MSRB2: variants seen among roughly 807,000 people sequenced by gnomAD.
The protein encoded by MSRB2 is methionine sulfoxide reductase B2, also known as methionine-R-sulfoxide reductase B2, mitochondrial.
Under a neutral mutation model 19.0 loss-of-function variants are expected in MSRB2, and 17 were observed. The ratio of observed to expected loss-of-function variants is 0.89; its 90% CI spans 0.61 to 1.34. The LOEUF (loss-of-function observed/expected upper bound fraction) is 1.34, where lower values mean the gene tolerates loss of function less well. Ranked by LOEUF, MSRB2 falls within the 40% of genes most tolerant of loss-of-function variation. MSRB2 has a pLI of 0.00. For missense variants in MSRB2, 208 were observed against 237.6 expected (o/e 0.88, Z 0.82); for synonymous variants, 107 against 99.7 (o/e 1.07, Z -0.44).
chr10:23,100,987 T>TTTTTGTTTTGTTTTGTTTTG lies in MSRB2; in HGVS notation c.119-3148_119-3129dup, dbSNP rs374985718. Among the ~76,000 whole-genome samples the TTTTTGTTTTGTTTTGTTTTG allele has an allele frequency of 3.3e-5, 5 of 152,164 alleles. No homozygotes were observed. The East Asian group carries it at 9.6e-4, about 29-fold the overall frequency. ...ATGGTTTGAGGAGAGTGGAAAAGGTTTTTTGTTTTGTTTTGTTTTGTTTTG... is the reference window on the plus strand; with the variant it reads ...ATGGTTTGAGGAGAGTGGAAAAGGTTTTTTGTTTTGTTTTGTTTTGTTTTGTTTTGTTTTGTTTTGTTTTG... On this transcript the variant is annotated intron_variant, in intron 1 of 4. Transcript: ENST00000376510.
intron 3 of MSRB2, among the ~76,000 whole-genome samples, chr10:23,110,755 G>A (rs1437426040): frequency 6.6e-6 from 1 of 151,928 alleles, no homozygotes; most frequent in Non-Finnish European, 1.5e-5. Context: ...AGAATTTTAT[G>A]AGGATAGATT....
rs1212668542 is a variant in MSRB2, at chr10:23,117,068, G to A, written c.297-2236G>A. Among the ~76,000 whole-genome samples, 4 of 152,098 alleles carry A rather than the reference G, an allele frequency of 2.6e-5. No homozygotes were observed. In the East Asian group the frequency reaches 7.7e-4, roughly 29 times the overall value. On this transcript the variant is annotated intron_variant, in intron 3 of 4. Transcript: ENST00000376510. ...TTCTGGAGTCCTCTTGGCCAAGAAG[G>A]GCTCTATTCAGTCAGTGGGTGGCTT...
chr10:23,096,348 C>CTGTGTGTGTGTGTGTGTGTGTGTGTG (rs1471780853), intron 1 of MSRB2, among the ~76,000 whole-genome samples: 662 of 58,370 alleles, frequency 0.011, 4 homozygotes, highest in African/African-American at 0.047. Flanking sequence ...GTCTCTCTCT[C>CTGTGTGTGTGTGTGTGTGTGTGTGTG]TCTCTGTGTG....
intron 1 of MSRB2, among the ~76,000 whole-genome samples, chr10:23,100,529 G>C (rs1338665786): frequency 6.6e-6 from 1 of 152,180 alleles, no homozygotes; most frequent in Admixed American, 6.5e-5. Context: ...AGGAAGCATG[G>C]CTGGGGAGGC....
At chr10:23,116,065 C>T (rs1840106587) in intron 3 of MSRB2, among the ~76,000 whole-genome samples, 1 of 151,986 alleles carries the variant, frequency 6.6e-6, no homozygotes, top group Non-Finnish European at 1.5e-5. Flanking sequence ...TAGTTGGACC[C>T]ACAACTGCTC....
intron 3 of MSRB2, among the ~76,000 whole-genome samples, chr10:23,115,703 T>G (rs919512318): frequency 1.3e-5 from 2 of 152,238 alleles, no homozygotes; most frequent in Non-Finnish European, 2.9e-5. Context: ...TCTGATTGGC[T>G]TTAATATTTT....
chr10:23,099,388 C>T (rs1003972982), intron 1 of MSRB2, among the ~76,000 whole-genome samples: 9 of 152,146 alleles, frequency 5.9e-5, no homozygotes, highest in African/African-American at 1.7e-4. Flanking sequence ...CTAGTCTAAA[C>T]ATTATTGCCT....
At chr10:23,120,730 A>G (rs1840172241) in intron 4 of MSRB2, 28 bp from the exon 5 acceptor site, 5 of 1,566,716 alleles carry the variant, frequency 3.2e-6, no homozygotes, top group Non-Finnish European at 4.4e-6. Flanking sequence ...TTGCATTTGG[A>G]GATGACAGAG....
intron 2 of MSRB2, among the ~76,000 whole-genome samples, chr10:23,106,432 C>T (rs1004016702): frequency 6.6e-6 from 1 of 152,158 alleles, no homozygotes; most frequent in Non-Finnish European, 1.5e-5. Flanking sequence ...AGTCAAGTAT[C>T]AATAGAAGGG....
chr10:23,103,648 AT>A (rs1194767886), intron 1 of MSRB2, among the ~76,000 whole-genome samples: 1 of 152,184 alleles, frequency 6.6e-6, no homozygotes, highest in African/African-American at 2.4e-5. Flanking sequence ...ATGCAAGAAG[AT>A]TTTTAAAATA....
chr10:23,097,491 C>A (rs927729898), intron 1 of MSRB2, among the ~76,000 whole-genome samples: 1 of 152,186 alleles, frequency 6.6e-6, no homozygotes, highest in African/African-American at 2.4e-5. Context: ...CAGGAAGGAC[C>A]ACTAATCCCT....
chr10:23,100,192 C>T (rs1319710163), intron 1 of MSRB2, among the ~76,000 whole-genome samples: 2 of 152,220 alleles, frequency 1.3e-5, no homozygotes, highest in Non-Finnish European at 2.9e-5. Context: ...TAGTCCTTTC[C>T]TTGACAAATG....
In MSRB2 at chr10:23,104,324, C is replaced by A. The variant is rs541682538; in HGVS notation, c.219+80C>A. On this transcript the variant is annotated intron_variant, in intron 2 of 4. Coordinates refer to ENST00000376510, the MANE Select transcript of MSRB2 (RefSeq NM_012228.4). ...AGTTGGAATAGGTCCAGCTATGAAA[C>A]CCAGCTGCCCAGCAACACTCCACAG... The A allele has an allele frequency of 2.3e-4, 257 of 1,093,840 alleles. 1 individual carries two copies. The highest frequency in any genetic ancestry group is 5.9e-4 in the South Asian group (39 of 66,416). 67.8% of individuals were successfully genotyped at this position (1,093,840 alleles called of 1,614,324 possible).
At chr10:23,096,927 T>C (rs1839875620) in intron 1 of MSRB2, among the ~76,000 whole-genome samples, 2 of 152,166 alleles carry the variant, frequency 1.3e-5, no homozygotes, top group Admixed American at 6.5e-5. Flanking sequence ...ATTGCTGCTG[T>C]CAGAAGCAGC....
At chr10:23,100,212 G>C (rs1246810274) in intron 1 of MSRB2, among the ~76,000 whole-genome samples, 1 of 152,222 alleles carries the variant, frequency 6.6e-6, no homozygotes, top group Non-Finnish European at 1.5e-5. Context: ...GTCAATGATA[G>C]CCAGAGATTA....
chr10:23,097,199 C>T (rs1839878357), intron 1 of MSRB2, among the ~76,000 whole-genome samples: 1 of 149,550 alleles, frequency 6.7e-6, no homozygotes, highest in East Asian at 2.0e-4. Context: ...AACTGTTAGG[C>T]AGCCATTAAA....
At chr10:23,104,387 G>C in intron 2 of MSRB2, 143 bp downstream of exon 2, 1 of 590,626 alleles carries the variant, frequency 1.7e-6, no homozygotes, top group Non-Finnish European at 2.9e-6. Context: ...TTCTCGGGGT[G>C]TTGATATCCA....
chr10:23,119,154 G>A (rs577898445), intron 3 of MSRB2, 150 bp from the exon 4 acceptor site: 75 of 960,758 alleles, frequency 7.8e-5, no homozygotes, highest in Middle Eastern at 2.1e-4. Flanking sequence ...GGACGATTCC[G>A]GGGGGACTGA....
At chr10:23,101,062 G>A (rs1412761080) in intron 1 of MSRB2, among the ~76,000 whole-genome samples, 3 of 152,152 alleles carry the variant, frequency 2.0e-5, no homozygotes, top group Non-Finnish European at 4.4e-5. Context: ...ACATGAATAA[G>A]TTCTTTCTTT....
Sources: allele counts gnomAD v4.1 joint callset (sites outside exome capture counted in the v4.1 genomes callset), GRCh38; gene constraint gnomAD v4.1.1; transcripts MANE v1.5; gene names NCBI Gene and HGNC (gene_info 2026-07-23, HGNC 2026-07-21).